Variants in LRFN1 observed in about 807,000 individuals in gnomAD.
LRFN1 encodes the protein leucine rich repeat and fibronectin type III domain containing 1, also known as leucine-rich repeat and fibronectin type III domain-containing protein 1.
LRFN1 carries 20 observed loss-of-function variants against 31.8 expected under a neutral mutation model. The observed-to-expected ratio is 0.63, with a 90% CI of 0.44 to 0.91. The LOEUF (loss-of-function observed/expected upper bound fraction) is 0.91, where lower values mean the gene tolerates loss of function less well. Among genes scored for constraint, LRFN1 ranks in the 40% least tolerant of loss-of-function variants. The pLI is 0.00. For synonymous variants in LRFN1, 514 were observed against 541.3 expected, an observed-to-expected ratio of 0.95 and a Z score of 0.70; for missense variants, 912 against 1,129.8, an observed-to-expected ratio of 0.81 and a Z score of 2.76.
In LRFN1 at chr19:39,314,430, G is replaced by A. The variant is rs1217776304; in HGVS notation, c.907C>T (p.Arg303Trp). The stretch of plus-strand genomic sequence containing the variant: ...ACCAGGGCCCGGCCCCCCGCCTGCC[G>A]TGTGATCAGCGGGGGCTCACACAGG... ...EFLCEPPLITRQAGGRALVVE... is the reference protein window; with the variant it reads ...EFLCEPPLITWQAGGRALVVE... Residue 303 changes from arginine to tryptophan, a missense_variant, in exon 4 of 5, where the codon CGG (arginine) becomes TGG (tryptophan). Around this residue, in one of 2 missense-constraint regions of LRFN1, gnomAD observed 401 missense variants for 572.7 expected, o/e 0.70. Transcript: ENST00000248668. The A allele has an allele frequency of 3.1e-6, 5 of 1,607,836 alleles. No homozygotes were observed. Among genetic ancestry groups the A allele is most frequent in the Non-Finnish European group, 2.5e-6 (3 of 1,178,454 alleles).
intron 2 of LRFN1, among the ~76,000 whole-genome samples, chr19:39,317,014 G>A (rs2075174181): frequency 1.3e-5 from 2 of 152,154 alleles, no homozygotes; most frequent in Non-Finnish European, 2.9e-5. Flanking sequence ...AGGAAAGTCA[G>A]AGACAGAGGT....
chr19:39,312,291 C>T (rs900579472), intron 4 of LRFN1, among the ~76,000 whole-genome samples: 10 of 152,066 alleles, frequency 6.6e-5, no homozygotes, highest in Admixed American at 5.2e-4. Context: ...CGGTGAAGAT[C>T]TGACAGCCAG....
At chr19:39,310,083 G>A (rs549859764) in intron 4 of LRFN1, among the ~76,000 whole-genome samples, 5 of 152,110 alleles carry the variant, frequency 3.3e-5, no homozygotes, top group South Asian at 2.1e-4. Context: ...TCAGCCTCCC[G>A]GACAGCTGAG....
At position 39,310,271 on chromosome 19, in the gene LRFN1, T is replaced by G. The variant is rs575931401; in HGVS notation, c.1407-1729A>C. On this transcript the variant is annotated intron_variant, in intron 4 of 4. Transcript: ENST00000248668. Reference sequence around the variant, plus strand: ...CCACGCCCGGCGAACTTCGCCAAGTTTCTTAACCTCCCTGTGTCTCATTTT... The same window carrying G: ...CCACGCCCGGCGAACTTCGCCAAGTGTCTTAACCTCCCTGTGTCTCATTTT... 7.2e-5 allele frequency among the ~76,000 whole-genome samples: 11 copies of G among 152,324 alleles called. No homozygotes were observed. In the South Asian group the frequency reaches 2.1e-3, roughly 29 times the overall value.
Position 39,308,345 on chromosome 19 carries a change from G to A in LRFN1, c.1604C>T (p.Thr535Ile). 2 of 1,612,942 alleles carry A rather than the reference G, an allele frequency of 1.2e-6. No homozygotes were observed. Among genetic ancestry groups the A allele is most frequent in the Non-Finnish European group, 1.7e-6 (2 of 1,179,576 alleles). ...GACGCCCCCGATGGCGATGATCATG[G>A]TGCCGCCCAAGAAATGGGCCCTCAG... is the stretch of plus-strand genomic sequence containing the variant. ...RPLRAHFLGGTMIIAIGGVIV... is the reference protein window; with the variant it reads ...RPLRAHFLGGIMIIAIGGVIV... Residue 535 changes from threonine (T) to isoleucine (I), a missense_variant, in exon 5 of 5, where the codon ACC becomes ATC. This residue lies in a region of LRFN1 where 511 missense variants were observed against 557.0 expected (regional missense o/e 0.92). Transcript: ENST00000248668. This position sits in a 1 kb window ranked among gnomAD's most constrained non-coding sequence, Gnocchi z 6.2.
At chr19:39,312,183 T>G (rs1306456915) in intron 4 of LRFN1, among the ~76,000 whole-genome samples, 1 of 151,880 alleles carries the variant, frequency 6.6e-6, no homozygotes, top group Non-Finnish European at 1.5e-5. Context: ...AGGCATTTTT[T>G]TCATTCAACC....
chr19:39,309,501 A>AAAAAAAC lies in LRFN1; in HGVS notation c.1407-966_1407-960dup, dbSNP rs2075143651. Among the ~76,000 whole-genome samples the AAAAAAAC allele has an allele frequency of 5.4e-5, 8 of 148,538 alleles. 1 individual carries two copies. The highest frequency in any genetic ancestry group is 1.7e-4 in the African/African-American group (7 of 40,276). On this transcript the variant is annotated intron_variant, in intron 4 of 4. Transcript: ENST00000248668. ...ACCAAAAAAAAAAAAAAAAAAAAAA[A>AAAAAAAC]AAAAAACCATCTAGCTTTGTCTATG...
chr19:39,309,410 C>T (rs2075142575), intron 4 of LRFN1, among the ~76,000 whole-genome samples: 1 of 132,994 alleles, frequency 7.5e-6, no homozygotes, highest in African/African-American at 2.7e-5. Context: ...GCCGAGACCA[C>T]ATCATTGCAC....
intron 1 of LRFN1, among the ~76,000 whole-genome samples, chr19:39,318,741 G>A (rs2075179321): frequency 6.6e-6 from 1 of 152,158 alleles, no homozygotes; most frequent in South Asian, 2.1e-4. Flanking sequence ...CAAGAGCTGG[G>A]GAAGGGCCAA....
rs771477051 is a variant in LRFN1 at position 39,314,311 on chromosome 19, C to T, written c.1026G>A (p.Gly342=). 7 of 1,603,216 alleles carry T rather than the reference C, an allele frequency of 4.4e-6. No individual in the cohort carries two copies. Among genetic ancestry groups the T allele is most frequent in the Admixed American group, 3.4e-5 (2 of 58,226 alleles). Residue 342 remains glycine (G), a synonymous_variant, in exon 4 of 5, where the codon GGG becomes GGA. Coordinates refer to ENST00000248668, the MANE Select transcript of LRFN1 (RefSeq NM_020862.2). ...HWVAPDGRLL[G]NSSRTRVRGD... is the part of the protein sequence containing the mutation. ...CCCGGACCCGGGTCCGGCTGGAGTT[C>T]CCCAGCAGCCGCCCATCAGGTGCCA...
Position 39,314,195 on chromosome 19 carries a change from G to A in LRFN1, c.1142C>T (p.Ala381Val), listed in dbSNP as rs1311071402. 1.2e-6 allele frequency: 2 copies of A among 1,613,300 alleles called. No homozygotes were observed. The highest frequency in any genetic ancestry group is 2.2e-5 in the East Asian group (1 of 44,860). ...AGGTACCACGCACACCTCCACGGGC[G>A]CCGTCGCTTCCCCAGCAGCATTGGA... ...IASNAAGEAT[A>V]PVEVCVVPLP... Residue 381 changes from alanine to valine, a missense_variant, in exon 4 of 5, where the codon GCG (alanine) becomes GTG (valine). By Grantham distance (64) the Ala-to-Val change is moderately conservative. Transcript: ENST00000248668.
chr19:39,306,995 A>C lies in LRFN1; in HGVS notation c.*638T>G. 1 of 259,400 alleles carries C rather than the reference A, an allele frequency of 3.9e-6. No individual in the cohort carries two copies. Among genetic ancestry groups the C allele is most frequent in the Non-Finnish European group, 7.2e-6 (1 of 138,204 alleles). 16.1% of individuals were successfully genotyped at this position (259,400 alleles called of 1,614,324 possible). ...AGAAATCAGGAGAGACAGGGAGACT[A>C]GACAAAACCAGGGAGGGCCGAGGGA... On this transcript the variant is annotated 3_prime_UTR_variant, in exon 5 of 5. Transcript: ENST00000248668.
In LRFN1 at chr19:39,307,333, C is replaced by T. The variant is rs1387478749; in HGVS notation, c.*300G>A. 2.5e-6 allele frequency: 1 copy of T among 401,060 alleles called. No homozygotes were observed. The highest frequency in any genetic ancestry group is 4.4e-6 in the Non-Finnish European group (1 of 227,442). The allele number at this position is 401,060 out of a possible 1,614,324, so 24.8% of individuals were successfully genotyped here. Reference sequence around the variant, plus strand: ...GGGGGCCCTGCCCCTCCCCGCGCTTCGCTGTGTAAGGCACCGGCTCCAGCG... The same window carrying T: ...GGGGGCCCTGCCCCTCCCCGCGCTTTGCTGTGTAAGGCACCGGCTCCAGCG... On this transcript the variant is annotated 3_prime_UTR_variant, in exon 5 of 5. Coordinates refer to ENST00000248668, the MANE Select transcript of LRFN1 (RefSeq NM_020862.2). The surrounding 1 kb of genome is among the most constrained non-coding windows in gnomAD (Gnocchi z 6.7).
chr19:39,314,544 G>A lies in LRFN1; in HGVS notation c.793C>T (p.Arg265Trp), dbSNP rs1568569666. The change falls in exon 4 of 5, where the codon CGG (arginine) becomes TGG (tryptophan). Residue 265 changes from arginine (R) to tryptophan (W), a missense_variant. Coordinates refer to ENST00000248668, the MANE Select transcript of LRFN1 (RefSeq NM_020862.2). Reference sequence around the variant, plus strand: ...TCTAAGTCGTCCTCGCGGGTCAGCCGCCGCAGCCAGAGCAGCTCGCAGTTG... The same window carrying A: ...TCTAAGTCGTCCTCGCGGGTCAGCCACCGCAGCCAGAGCAGCTCGCAGTTG... ...HCNCELLWLRRLTREDDLETC... is the reference protein window; with the variant it reads ...HCNCELLWLRWLTREDDLETC... 3 of 1,609,622 alleles carry A rather than the reference G, an allele frequency of 1.9e-6. No homozygotes were observed. Among genetic ancestry groups the A allele is most frequent in the African/African-American group, 2.7e-5 (2 of 75,010 alleles).
At chr19:39,317,218 G>A (rs1211775655) in intron 2 of LRFN1, among the ~76,000 whole-genome samples, 1 of 152,160 alleles carries the variant, frequency 6.6e-6, no homozygotes, top group Admixed American at 6.6e-5. Flanking sequence ...GAGAAAAATA[G>A]AGACAGTATT....
At chr19:39,320,317 C>G (rs1352117337) in intron 1 of LRFN1, among the ~76,000 whole-genome samples, 1 of 151,228 alleles carries the variant, frequency 6.6e-6, no homozygotes, top group Non-Finnish European at 1.5e-5. Flanking sequence ...CACACACACA[C>G]ACACACACAC....
In LRFN1 at chr19:39,314,511, C is replaced by T. The variant is rs2075163402; in HGVS notation, c.826G>A (p.Ala276Thr). 1 of 1,610,314 alleles carries T rather than the reference C, an allele frequency of 6.2e-7. No homozygotes were observed. Among genetic ancestry groups the T allele is most frequent in the Non-Finnish European group, 8.5e-7 (1 of 1,179,020 alleles). Residue 276 changes from alanine to threonine, a missense_variant, in exon 4 of 5, where the codon GCC becomes ACC. Ala to Thr is a moderately conservative substitution (Grantham distance 58, BLOSUM62 0). Transcript: ENST00000248668. ...CGGTCGGTGAGGTGTTCGGGCGTGG[C>T]GCAGGTCTCTAAGTCGTCCTCGCGG... is the stretch of plus-strand genomic sequence containing the variant. Reference protein sequence around the residue: ...LTREDDLETCATPEHLTDRYF... With the variant: ...LTREDDLETCTTPEHLTDRYF...
At chr19:39,312,016 C>T (rs920505039) in intron 4 of LRFN1, among the ~76,000 whole-genome samples, 7 of 151,832 alleles carry the variant, frequency 4.6e-5, no homozygotes, top group East Asian at 1.9e-4. Flanking sequence ...ATTACAGGCA[C>T]GTGCCACCAC....
At chr19:39,313,907 T>G (rs1284117752) in intron 4 of LRFN1, 24 bp downstream of exon 4, 19 of 1,564,532 alleles carry the variant, frequency 1.2e-5, no homozygotes, top group Non-Finnish European at 1.6e-5. Flanking sequence ...GAGGAGGCCC[T>G]GGGACTGCAG....
Sources: allele counts gnomAD v4.1 joint callset (sites outside exome capture counted in the v4.1 genomes callset), GRCh38; gene constraint gnomAD v4.1.1; regional missense constraint gnomAD v4.1.1; non-coding constraint Gnocchi (gnomAD v3.1); transcripts MANE v1.5; gene names NCBI Gene and HGNC (gene_info 2026-07-23, HGNC 2026-07-21).